AGTPBP1: variants seen among roughly 807,000 people sequenced by gnomAD.
The protein encoded by AGTPBP1 is ATP/GTP binding carboxypeptidase 1, also known as cytosolic carboxypeptidase 1.
AGTPBP1 carries 70 observed loss-of-function variants against 143.9 expected under a neutral mutation model. That is an observed-to-expected ratio of 0.49 (90% CI 0.40 to 0.59). AGTPBP1 has a LOEUF of 0.59. Ranked by LOEUF, AGTPBP1 falls within the 20% of genes least tolerant of loss-of-function variation. The probability of loss-of-function intolerance (pLI) is 0.00; values close to 1 mark genes in which losing one functional copy is unlikely to be tolerated. For missense variants in AGTPBP1, 1,229 were observed against 1,464.5 expected (o/e 0.84, Z 2.62); for synonymous variants, 463 against 500.2 (o/e 0.93, Z 0.99).
chr9:85,743,028 A>G (rs1824473582), upstream of AGTPBP1, among the ~76,000 whole-genome samples: 1 of 152,228 alleles, frequency 6.6e-6, no homozygotes, highest in South Asian at 2.1e-4. Flanking sequence ...TATTCAGATG[A>G]ACAAGAAACT....
At chr9:85,560,256 A>C (rs1253422635) in intron 25 of AGTPBP1, among the ~76,000 whole-genome samples, 1 of 152,228 alleles carries the variant, frequency 6.6e-6, no homozygotes, top group Non-Finnish European at 1.5e-5. Flanking sequence ...AAAGCCCTAG[A>C]AAAGTTCAGC....
the AGTPBP1 span, chr9:85,773,789 A>G: frequency 3.1e-6 from 3 of 962,610 alleles, no homozygotes; most frequent in African/African-American, 3.3e-5. Context: ...AGATTATTAT[A>G]TTAGCTTATC....
At chr9:85,791,858 G>T in the AGTPBP1 span, among the ~76,000 whole-genome samples, 6 of 151,196 alleles carry the variant, frequency 4.0e-5, no homozygotes, top group Admixed American at 2.7e-4. Context: ...ATCCTAGATC[G>T]AATTTGAATA....
At chr9:85,648,637 C>T (rs1038393327) in intron 11 of AGTPBP1, among the ~76,000 whole-genome samples, 1 of 152,090 alleles carries the variant, frequency 6.6e-6, no homozygotes, top group African/African-American at 2.4e-5. Context: ...ACAGTGAAAC[C>T]CCGTCTCTAC....
At chr9:85,805,075 A>C in the AGTPBP1 span, among the ~76,000 whole-genome samples, 1 of 152,106 alleles carries the variant, frequency 6.6e-6, no homozygotes, top group Non-Finnish European at 1.5e-5. Context: ...GTGACCCCGA[A>C]GACCGTGGCG....
At chr9:85,741,241 G>A (rs1486410649) in intron 1 of AGTPBP1, 6 of 985,328 alleles carry the variant, frequency 6.1e-6, no homozygotes, top group Admixed American at 6.1e-5. Context: ...GGAAGCAAAC[G>A]TGCCCATCGC....
intron 4 of AGTPBP1, among the ~76,000 whole-genome samples, chr9:85,680,356 G>A (rs549228739): frequency 6.6e-6 from 1 of 152,266 alleles, no homozygotes; most frequent in East Asian, 1.9e-4. Context: ...GGCCGAGGCA[G>A]GTGGATCACC....
At chr9:85,606,078 C>G (rs1325364137) in intron 17 of AGTPBP1, among the ~76,000 whole-genome samples, 5 of 151,828 alleles carry the variant, frequency 3.3e-5, no homozygotes, top group Non-Finnish European at 7.4e-5. Context: ...ACCAAACTCT[C>G]CAATAAAAGG....
chr9:85,759,006 G>T, the AGTPBP1 span, among the ~76,000 whole-genome samples: 13 of 152,040 alleles, frequency 8.6e-5, no homozygotes, highest in African/African-American at 3.1e-4. Flanking sequence ...AACTAACAAA[G>T]ATCAAAAGAG....
chr9:85,624,886 G>A (rs1387042953), intron 14 of AGTPBP1, among the ~76,000 whole-genome samples: 1 of 152,134 alleles, frequency 6.6e-6, no homozygotes, highest in African/African-American at 2.4e-5. Flanking sequence ...CTGATACGAA[G>A]TCTAAAACGT....
intron 11 of AGTPBP1, among the ~76,000 whole-genome samples, chr9:85,652,007 T>C (rs2133904084): frequency 6.6e-6 from 1 of 152,306 alleles, no homozygotes; most frequent in Non-Finnish European, 1.5e-5. Context: ...TCTAATGATG[T>C]GACTCTTTGT....
chr9:85,799,459 G>A, the AGTPBP1 span, among the ~76,000 whole-genome samples: 2 of 152,106 alleles, frequency 1.3e-5, no homozygotes, highest in East Asian at 1.9e-4. Flanking sequence ...ATCATTTGAG[G>A]CCAGGAGTTT....
intron 13 of AGTPBP1, among the ~76,000 whole-genome samples, chr9:85,633,968 G>A (rs1215651401): frequency 6.6e-6 from 1 of 151,600 alleles, no homozygotes; most frequent in Non-Finnish European, 1.5e-5. Flanking sequence ...GAGGCAGGGA[G>A]ATGACCTGAG....
At chr9:85,799,530 A>G in the AGTPBP1 span, among the ~76,000 whole-genome samples, 1 of 152,102 alleles carries the variant, frequency 6.6e-6, no homozygotes, top group East Asian at 1.9e-4. Context: ...AATTTGTATT[A>G]TTTTTAGAGA....
At chr9:85,732,963 A>G (rs1838987555) in intron 1 of AGTPBP1, among the ~76,000 whole-genome samples, 1 of 152,216 alleles carries the variant, frequency 6.6e-6, no homozygotes, top group Non-Finnish European at 1.5e-5. Context: ...AACAAAATAT[A>G]TGAAGTAGTT....
At chr9:85,709,087 C>T (rs116077504) in intron 2 of AGTPBP1, among the ~76,000 whole-genome samples, 1,676 of 152,146 alleles carry the variant, frequency 0.011, 29 homozygotes, top group African/African-American at 0.037. Context: ...TTTAGCAAAT[C>T]AAATCCAAAA....
At chr9:85,602,975 C>A (rs147024499) in intron 17 of AGTPBP1, among the ~76,000 whole-genome samples, 308 of 152,306 alleles carry the variant, frequency 2.0e-3, no homozygotes, top group African/African-American at 7.1e-3. Flanking sequence ...ACTGACCTAG[C>A]CAGATGGGAA....
chr9:85,681,844 G>A lies in AGTPBP1; in HGVS notation c.158-509C>T, dbSNP rs548418228. Among the ~76,000 whole-genome samples, 1,164 of 145,670 alleles carry A rather than the reference G, an allele frequency of 8.0e-3. 10 individuals are homozygous for A. Among genetic ancestry groups the A allele is most frequent in the Non-Finnish European group, 0.012 (800 of 67,566 alleles). ...CGCTCACTACAACCTCCGCCTCCCG[G>A]GTTTAAGTGATTCTCCTGCCTCAGC... is the stretch of plus-strand genomic sequence containing the variant. On this transcript the variant is annotated intron_variant, in intron 3 of 25. Coordinates refer to ENST00000357081, the MANE Select transcript of AGTPBP1 (RefSeq NM_001330701.2).
intron 1 of AGTPBP1, among the ~76,000 whole-genome samples, chr9:85,723,845 A>G (rs1838291995): frequency 6.6e-6 from 1 of 152,134 alleles, no homozygotes; most frequent in Admixed American, 6.6e-5. Context: ...CTGTCCTTCT[A>G]AAAGAAACCC....
Sources: gnomAD v4.1 joint callset for allele counts (sites outside exome capture counted in the v4.1 genomes callset) on GRCh38, gnomAD v4.1.1 for gene constraint, MANE v1.5 for transcripts, NCBI Gene and HGNC (gene_info 2026-07-23, HGNC 2026-07-21) for gene names.